The following STK4 variants were observed in gnomAD, a reference collection of about 807,000 sequenced individuals.
STK4 encodes the protein serine/threonine kinase 4.
STK4 carries 30 observed loss-of-function variants against 64.9 expected under a neutral mutation model. The observed-to-expected ratio is 0.46, with a 90% CI of 0.35 to 0.63. The LOEUF (loss-of-function observed/expected upper bound fraction) is 0.63, where lower values mean the gene tolerates loss of function less well. Ranked by LOEUF, STK4 falls within the 20% of genes least tolerant of loss-of-function variation. The probability of loss-of-function intolerance (pLI) is 0.01; values close to 1 mark genes in which losing one functional copy is unlikely to be tolerated. For missense variants in STK4, 466 were observed against 598.5 expected, an observed-to-expected ratio of 0.78 and a Z score of 2.31; for synonymous variants, 177 against 199.0, an observed-to-expected ratio of 0.89 and a Z score of 0.93.
intron 10 of STK4, among the ~76,000 whole-genome samples, chr20:45,047,222 A>T (rs2068710339): frequency 6.6e-6 from 1 of 152,178 alleles, no homozygotes; most frequent in African/African-American, 2.4e-5. Context: ...CACATGGTAG[A>T]TCTTATAGAT....
At chr20:45,038,837 C>A (rs986318309) in intron 10 of STK4, among the ~76,000 whole-genome samples, 2 of 151,110 alleles carry the variant, frequency 1.3e-5, no homozygotes, top group African/African-American at 4.9e-5. Context: ...TAGTTTTTTT[C>A]AATGAAAAAT....
At chr20:44,987,325 A>G (rs767621792) in intron 5 of STK4, 29 bp downstream of exon 5, 4 of 1,584,902 alleles carry the variant, frequency 2.5e-6, no homozygotes, top group African/African-American at 1.4e-5. Flanking sequence ...TGTATTGATA[A>G]TTTTCATTTC....
intron 5 of STK4, among the ~76,000 whole-genome samples, chr20:44,988,390 C>G (rs2067568243): frequency 6.6e-6 from 1 of 151,330 alleles, no homozygotes; most frequent in Non-Finnish European, 1.5e-5. Context: ...TAGCGCACGC[C>G]TGTAATCTCA....
At chr20:44,974,983 T>A (rs1601180868) in intron 2 of STK4, 1 of 152,244 alleles carries the variant, frequency 6.6e-6, no homozygotes, top group Non-Finnish European at 1.5e-5. Flanking sequence ...AAGTGGAGCC[T>A]AGCACCTTTT....
chr20:45,022,874 AAATG>A (rs2068273034), intron 9 of STK4, among the ~76,000 whole-genome samples: 1 of 152,236 alleles, frequency 6.6e-6, no homozygotes, highest in Admixed American at 6.5e-5. Flanking sequence ...GCATATATAA[AAATG>A]AATGGATGGA....
At chr20:45,059,424 A>G (rs945717226) in intron 10 of STK4, among the ~76,000 whole-genome samples, 1 of 152,226 alleles carries the variant, frequency 6.6e-6, no homozygotes, top group East Asian at 1.9e-4. Context: ...AAGTGAAATA[A>G]GGGTTCCCTG....
intron 2 of STK4, chr20:44,973,257 A>G (rs1273675726): frequency 6.6e-6 from 1 of 152,164 alleles, no homozygotes; most frequent in Non-Finnish European, 1.5e-5. Context: ...TTTTTTTATG[A>G]TTTACCTCCT....
At chr20:45,001,716 T>C (rs1048875555) in intron 9 of STK4, among the ~76,000 whole-genome samples, 1 of 152,264 alleles carries the variant, frequency 6.6e-6, no homozygotes, top group Non-Finnish European at 1.5e-5. Context: ...AGTTATTTAC[T>C]GTACATACAT....
chr20:45,049,078 AAGAGACAGAG>A (rs1438556004), intron 10 of STK4, among the ~76,000 whole-genome samples: 9 of 152,114 alleles, frequency 5.9e-5, no homozygotes, highest in South Asian at 2.1e-4. Context: ...GTATGTATGA[AAGAGACAGAG>A]AGAGACAGAG....
intron 7 of STK4, among the ~76,000 whole-genome samples, chr20:44,998,529 T>C (rs780654697): frequency 3.3e-5 from 5 of 152,184 alleles, no homozygotes; most frequent in African/African-American, 7.2e-5. Flanking sequence ...TTATAACCAA[T>C]GTATATATTT....
intron 9 of STK4, among the ~76,000 whole-genome samples, 181 bp from the exon 10 acceptor site, chr20:45,024,792 A>AT (rs1051501603): frequency 2.0e-5 from 3 of 152,084 alleles, no homozygotes; most frequent in African/African-American, 7.2e-5. Context: ...TTCCATGAGA[A>AT]TTTTTTGGGC....
At chr20:44,978,885 A>G (rs2067386714) in intron 3 of STK4, among the ~76,000 whole-genome samples, 2 of 144,592 alleles carry the variant, frequency 1.4e-5, no homozygotes. Context: ...TGCAACCTCC[A>G]CCTCCCAGGT....
intron 7 of STK4, among the ~76,000 whole-genome samples, chr20:44,997,842 C>T (rs748994907): frequency 1.3e-5 from 2 of 152,172 alleles, no homozygotes; most frequent in Non-Finnish European, 2.9e-5. Flanking sequence ...AGGGAACTGA[C>T]ATTTAGTGAG....
intron 10 of STK4, among the ~76,000 whole-genome samples, chr20:45,050,403 A>G (rs978262482): frequency 6.6e-6 from 1 of 152,192 alleles, no homozygotes; most frequent in African/African-American, 2.4e-5. Context: ...GCTGATGGTC[A>G]TTTAGGTAGC....
intron 9 of STK4, among the ~76,000 whole-genome samples, chr20:45,002,421 G>A (rs541581657): frequency 9.2e-5 from 14 of 152,242 alleles, no homozygotes; most frequent in Admixed American, 8.5e-4. Flanking sequence ...TGAGAAACAT[G>A]CATCTTTTAT....
intron 7 of STK4, among the ~76,000 whole-genome samples, 169 bp from the exon 8 acceptor site, chr20:45,000,223 C>G (rs901433250): frequency 6.6e-6 from 1 of 152,184 alleles, no homozygotes; most frequent in Non-Finnish European, 1.5e-5. Context: ...TTGCTCTACT[C>G]AGAGTTATAA....
chr20:44,969,607 G>A lies in STK4; in HGVS notation c.36-2471G>A, dbSNP rs116137163. On this transcript the variant is annotated intron_variant, in intron 1 of 10. Transcript: ENST00000372806. ...TTAGATTAATGTTATAGTGGAAGGC[G>A]TAGAGTGCATTCCTGGGATGCTGGC... Among the ~76,000 whole-genome samples, 211 of 152,300 alleles carry A rather than the reference G, an allele frequency of 1.4e-3. 1 individual carries two copies. Among genetic ancestry groups the A allele is most frequent in the African/African-American group, 4.9e-3 (204 of 41,544 alleles).
At chr20:44,971,013 T>C (rs187157235) in intron 1 of STK4, among the ~76,000 whole-genome samples, 30 of 150,774 alleles carry the variant, frequency 2.0e-4, no homozygotes, top group Non-Finnish European at 3.5e-4. Flanking sequence ...ACTACTTCCA[T>C]ATTTCACCGT....
At chr20:45,047,073 T>C (rs2068708088) in intron 10 of STK4, among the ~76,000 whole-genome samples, 1 of 152,236 alleles carries the variant, frequency 6.6e-6, no homozygotes, top group Non-Finnish European at 1.5e-5. Flanking sequence ...TAAATTTTAT[T>C]GGCAGACACA....
Sources: allele counts gnomAD v4.1 joint callset (sites outside exome capture counted in the v4.1 genomes callset), GRCh38; gene constraint gnomAD v4.1.1; transcripts MANE v1.5; gene names NCBI Gene and HGNC (gene_info 2026-07-23, HGNC 2026-07-21).